The following AFF3 variants were observed in gnomAD, a reference collection of about 807,000 sequenced individuals.
AFF3 encodes ALF transcription elongation factor 3, also known as AF4/FMR2 family member 3.
Under a neutral mutation model 129.7 loss-of-function variants are expected in AFF3, and 32 were observed. The observed-to-expected ratio is 0.25, with a 90% CI of 0.19 to 0.33. The LOEUF (loss-of-function observed/expected upper bound fraction) is 0.33, where lower values mean the gene tolerates loss of function less well. AFF3 is among the 10% of genes least tolerant of loss of function. AFF3 has a pLI of 1.00. For synonymous variants in AFF3, 644 were observed against 635.4 expected, an observed-to-expected ratio of 1.01 and a Z score of -0.20; for missense variants, 1,373 against 1,592.0, an observed-to-expected ratio of 0.86 and a Z score of 2.34.
intron 7 of AFF3, among the ~76,000 whole-genome samples, chr2:99,955,826 A>C (rs951063441): frequency 2.6e-5 from 4 of 152,206 alleles, no homozygotes; most frequent in Non-Finnish European, 5.9e-5. Flanking sequence ...AAAAGGGTAC[A>C]AAAATCTCTC....
intron 4 of AFF3, among the ~76,000 whole-genome samples, chr2:100,053,832 G>C (rs1448700239): frequency 1.3e-5 from 2 of 152,110 alleles, no homozygotes; most frequent in Non-Finnish European, 2.9e-5. Context: ...GTAGTATTTG[G>C]GGCTCTGAAG....
At chr2:100,068,366 T>C (rs1202042842) in intron 4 of AFF3, among the ~76,000 whole-genome samples, 1 of 152,334 alleles carries the variant, frequency 6.6e-6, no homozygotes, top group East Asian at 1.9e-4. Flanking sequence ...GAAACAGCCA[T>C]AGCTTCTGAT....
intron 8 of AFF3, among the ~76,000 whole-genome samples, chr2:99,773,404 T>A (rs1683646596): frequency 6.6e-6 from 1 of 152,220 alleles, no homozygotes; most frequent in Admixed American, 6.5e-5. Flanking sequence ...TCATATAATT[T>A]TTTTTGTTGC....
intron 11 of AFF3, among the ~76,000 whole-genome samples, chr2:99,710,972 C>T (rs770138412): frequency 3.3e-5 from 5 of 152,138 alleles, no homozygotes; most frequent in Non-Finnish European, 5.9e-5. Context: ...TCCCAGACTG[C>T]AGCCCCTGCG....
chr2:99,761,657 C>G (rs1158730391), intron 8 of AFF3, among the ~76,000 whole-genome samples: 1 of 152,168 alleles, frequency 6.6e-6, no homozygotes, highest in Non-Finnish European at 1.5e-5. Context: ...GCTATGAAGA[C>G]CTGCAAAGTC....
At chr2:99,837,980 C>T (rs572044307) in intron 7 of AFF3, among the ~76,000 whole-genome samples, 6 of 152,252 alleles carry the variant, frequency 3.9e-5, no homozygotes, top group African/African-American at 1.2e-4. Context: ...GTAGTTCCAC[C>T]GTCCTCAAAG....
chr2:99,867,984 C>T (rs1691561894), intron 7 of AFF3, among the ~76,000 whole-genome samples: 2 of 151,724 alleles, frequency 1.3e-5, no homozygotes, highest in Non-Finnish European at 2.9e-5. Flanking sequence ...AAGCTGGGCC[C>T]CTCTCATTAA....
chr2:99,792,377 T>C (rs1685255843), intron 8 of AFF3, among the ~76,000 whole-genome samples: 1 of 151,862 alleles, frequency 6.6e-6, no homozygotes, highest in Admixed American at 6.6e-5. Context: ...AAGGCTGAGG[T>C]GGGAGGATCT....
At chr2:100,142,022 A>G (rs1224126073) in intron 1 of AFF3, among the ~76,000 whole-genome samples, 1 of 152,166 alleles carries the variant, frequency 6.6e-6, no homozygotes, top group Non-Finnish European at 1.5e-5. Flanking sequence ...CTCTCCTTGC[A>G]AGCTCACTCA....
intron 15 of AFF3, among the ~76,000 whole-genome samples, chr2:99,592,485 A>G (rs544822018): frequency 2.0e-5 from 3 of 152,328 alleles, no homozygotes; most frequent in African/African-American, 7.2e-5. Flanking sequence ...TGATCCCACC[A>G]TCAATGTCAC....
chr2:99,599,174 C>T (rs2105049860), intron 14 of AFF3, among the ~76,000 whole-genome samples: 2 of 152,374 alleles, frequency 1.3e-5, no homozygotes, highest in Middle Eastern at 6.8e-3. Context: ...TTTCATCACC[C>T]AGGAGTTCAA....
intron 11 of AFF3, among the ~76,000 whole-genome samples, chr2:99,687,845 G>A (rs1003906180): frequency 6.6e-6 from 1 of 152,190 alleles, no homozygotes. Flanking sequence ...ATATTGCTAT[G>A]ATAACGTAAG....
At chr2:100,078,016 C>T (rs1388488795) in intron 4 of AFF3, among the ~76,000 whole-genome samples, 1 of 152,216 alleles carries the variant, frequency 6.6e-6, no homozygotes, top group Admixed American at 6.5e-5. Flanking sequence ...CAGAAGCATT[C>T]TTCCTGCCCT....
At chr2:100,071,808 C>T (rs926680340) in intron 4 of AFF3, among the ~76,000 whole-genome samples, 1 of 152,172 alleles carries the variant, frequency 6.6e-6, no homozygotes, top group African/African-American at 2.4e-5. Context: ...CGTGAATCAA[C>T]TGTCTTTTTC....
At chr2:99,621,123 T>G (rs891310069) in intron 13 of AFF3, among the ~76,000 whole-genome samples, 6 of 152,174 alleles carry the variant, frequency 3.9e-5, no homozygotes, top group African/African-American at 7.2e-5. Flanking sequence ...CTAGAAGCTG[T>G]GTTAATTTCT....
intron 11 of AFF3, among the ~76,000 whole-genome samples, chr2:99,682,823 C>T (rs549239389): frequency 6.6e-6 from 1 of 152,346 alleles, no homozygotes; most frequent in Admixed American, 6.5e-5. Context: ...GAAGCCTTTA[C>T]TACTCCCAGG....
At chr2:99,754,476 T>C (rs1013279727) in intron 8 of AFF3, among the ~76,000 whole-genome samples, 1 of 152,202 alleles carries the variant, frequency 6.6e-6, no homozygotes, top group Non-Finnish European at 1.5e-5. Context: ...GCATACAGAC[T>C]CCCTCTGTGT....
At chr2:99,948,249 CT>C (rs1308250673) in intron 7 of AFF3, among the ~76,000 whole-genome samples, 7 of 152,026 alleles carry the variant, frequency 4.6e-5, no homozygotes, top group Non-Finnish European at 1.0e-4. Flanking sequence ...CTGTGTCCAC[CT>C]TTTTTCCCAA....
chr2:99,685,017 C>A (rs913252139), intron 11 of AFF3, among the ~76,000 whole-genome samples: 7 of 151,278 alleles, frequency 4.6e-5, no homozygotes, highest in East Asian at 1.9e-4. Flanking sequence ...TGGCTCACCA[C>A]AACCTCCGCC....
Sources: gnomAD v4.1 joint callset for allele counts (sites outside exome capture counted in the v4.1 genomes callset) on GRCh38, gnomAD v4.1.1 for gene constraint, MANE v1.5 for transcripts, NCBI Gene and HGNC (gene_info 2026-07-23, HGNC 2026-07-21) for gene names.